The following LRBA variants were observed in gnomAD, a reference collection of about 807,000 sequenced individuals.
LRBA encodes LPS responsive beige-like anchor protein.
Under a neutral mutation model 330.0 loss-of-function variants are expected in LRBA, and 176 were observed. That is an observed-to-expected ratio of 0.53 (90% CI 0.47 to 0.60). LRBA has a LOEUF of 0.60. Ranked by LOEUF, LRBA falls within the 20% of genes least tolerant of loss-of-function variation. LRBA has a pLI of 0.00. For missense variants in LRBA, 3,259 were observed against 3,444.8 expected (o/e 0.95, Z 1.35); for synonymous variants, 1,230 against 1,193.0 (o/e 1.03, Z -0.64).
At chr4:150,828,896 A>G (rs1359728540) in intron 29 of LRBA, among the ~76,000 whole-genome samples, 2 of 151,012 alleles carry the variant, frequency 1.3e-5, no homozygotes, top group Non-Finnish European at 3.0e-5. Context: ...TTGGCCTGTA[A>G]GAAAAAGTCT....
At chr4:150,594,677 T>G (rs1581770449) in intron 38 of LRBA, among the ~76,000 whole-genome samples, 2 of 152,100 alleles carry the variant, frequency 1.3e-5, no homozygotes, top group Non-Finnish European at 2.9e-5. Context: ...ATACTTAAAC[T>G]GCAATTGTTA....
chr4:150,840,242 G>A (rs764262512), intron 28 of LRBA, among the ~76,000 whole-genome samples: 42 of 152,270 alleles, frequency 2.8e-4, no homozygotes, highest in African/African-American at 7.0e-4. Flanking sequence ...TGGAGTAATC[G>A]TTTACTTTTA....
intron 40 of LRBA, among the ~76,000 whole-genome samples, chr4:150,525,851 A>G (rs1177138693): frequency 6.6e-6 from 1 of 152,172 alleles, no homozygotes; most frequent in Non-Finnish European, 1.5e-5. Context: ...CTTTCCATAT[A>G]CAAATAAGCT....
intron 56 of LRBA, among the ~76,000 whole-genome samples, chr4:150,268,228 G>A (rs1328256195): frequency 6.6e-6 from 1 of 152,094 alleles, no homozygotes; most frequent in South Asian, 2.1e-4. Context: ...TACCAAAACT[G>A]AATGAAGAAA....
intron 36 of LRBA, among the ~76,000 whole-genome samples, chr4:150,711,369 G>A (rs1243402617): frequency 3.3e-5 from 5 of 151,830 alleles, no homozygotes; most frequent in South Asian, 2.1e-4. Context: ...TTGAGTAGCT[G>A]GAACTACAGG....
intron 40 of LRBA, among the ~76,000 whole-genome samples, chr4:150,523,390 G>A (rs1763130988): frequency 6.6e-6 from 1 of 152,108 alleles, no homozygotes; most frequent in Non-Finnish European, 1.5e-5. Context: ...CTTTCTCCAT[G>A]GGAGGACACA....
chr4:150,350,600 G>A (rs1304721661), intron 47 of LRBA, among the ~76,000 whole-genome samples: 1 of 151,260 alleles, frequency 6.6e-6, no homozygotes, highest in Non-Finnish European at 1.5e-5. Context: ...CTTATCTGAT[G>A]TCCTAGTTTC....
Position 150,802,014 on chromosome 4 carries a change from T to C in LRBA, c.5519-3872A>G, listed in dbSNP as rs1019746747. Among the ~76,000 whole-genome samples, 3 of 71,222 alleles carry C rather than the reference T, an allele frequency of 4.2e-5. No individual in the cohort carries two copies. In the Admixed American group the frequency reaches 4.9e-4, roughly 12 times the overall value. The allele number at this position is 71,222 out of a possible 152,430, so 46.7% of individuals were successfully genotyped here. On this transcript the variant is annotated intron_variant, in intron 33 of 56. Coordinates refer to ENST00000651943, the MANE Select transcript of LRBA (RefSeq NM_001364905.1). ...AGCAAAACCCATCTCTATAAATAAA[T>C]AAATAAATAAATAAATAAATAAATA...
intron 36 of LRBA, among the ~76,000 whole-genome samples, chr4:150,716,715 C>T (rs1430310270): frequency 6.6e-6 from 1 of 152,088 alleles, no homozygotes; most frequent in Non-Finnish European, 1.5e-5. Context: ...TTGGTATATA[C>T]AGTACCCTAA....
At chr4:150,767,931 G>A (rs1736000166) in intron 34 of LRBA, among the ~76,000 whole-genome samples, 1 of 151,032 alleles carries the variant, frequency 6.6e-6, no homozygotes, top group Non-Finnish European at 1.5e-5. Flanking sequence ...AGGCGTGGTG[G>A]TGCACGCCTG....
At chr4:150,554,626 ATTTC>A (rs1202008461) in intron 40 of LRBA, among the ~76,000 whole-genome samples, 6 of 152,102 alleles carry the variant, frequency 3.9e-5, no homozygotes, top group East Asian at 1.9e-4. Context: ...AGATGCTAAT[ATTTC>A]TTTATTTTAC....
chr4:150,426,809 AAATAT>A (rs1354393279), intron 46 of LRBA, among the ~76,000 whole-genome samples: 1 of 151,762 alleles, frequency 6.6e-6, no homozygotes, highest in African/African-American at 2.4e-5. Context: ...CATTCAAAAC[AAATAT>A]ATTATTTTTT....
intron 40 of LRBA, among the ~76,000 whole-genome samples, chr4:150,559,963 T>C (rs1768101582): frequency 8.6e-6 from 1 of 116,266 alleles, no homozygotes; most frequent in Non-Finnish European, 1.7e-5. Flanking sequence ...TATATAAATA[T>C]ATATATTTAT....
At chr4:151,004,684 CT>C (rs1277446026) in intron 2 of LRBA, among the ~76,000 whole-genome samples, 1 of 152,216 alleles carries the variant, frequency 6.6e-6, no homozygotes, top group Non-Finnish European at 1.5e-5. Context: ...GAAGATAAAT[CT>C]GTTAAGAAAT....
At chr4:150,730,768 A>G (rs1482473331) in intron 36 of LRBA, among the ~76,000 whole-genome samples, 2 of 152,022 alleles carry the variant, frequency 1.3e-5, no homozygotes, top group Non-Finnish European at 2.9e-5. Context: ...CTGTAATCTC[A>G]GCACTTTGGG....
chr4:150,559,080 G>A (rs1026237116), intron 40 of LRBA, among the ~76,000 whole-genome samples: 15 of 152,122 alleles, frequency 9.9e-5, no homozygotes, highest in African/African-American at 3.1e-4. Context: ...ACAACTAGAC[G>A]TATAACCTGA....
intron 39 of LRBA, 22 bp downstream of exon 39, chr4:150,590,691 T>G: frequency 6.2e-6 from 10 of 1,610,426 alleles, no homozygotes; most frequent in Non-Finnish European, 8.5e-6. Flanking sequence ...AGCTGAAATA[T>G]CTGCACAACC....
chr4:150,470,236 A>G (rs1755930695), intron 43 of LRBA, among the ~76,000 whole-genome samples: 1 of 152,122 alleles, frequency 6.6e-6, no homozygotes, highest in African/African-American at 2.4e-5. Flanking sequence ...TTCATTTCCA[A>G]CCATTCATTC....
intron 44 of LRBA, among the ~76,000 whole-genome samples, chr4:150,453,164 G>C (rs1038918252): frequency 6.6e-6 from 1 of 152,012 alleles, no homozygotes; most frequent in African/African-American, 2.4e-5. Flanking sequence ...AAAAAATCTA[G>C]AAGGCTTTTT....
Sources: allele counts gnomAD v4.1 joint callset (sites outside exome capture counted in the v4.1 genomes callset), GRCh38; gene constraint gnomAD v4.1.1; transcripts MANE v1.5; gene names NCBI Gene and HGNC (gene_info 2026-07-23, HGNC 2026-07-21).